ZMYND11: variants seen among roughly 807,000 people sequenced by gnomAD.
The protein encoded by ZMYND11 is zinc finger MYND-type containing 11.
Under a neutral mutation model 84.9 loss-of-function variants are expected in ZMYND11, and 9 were observed. The observed-to-expected ratio is 0.11, with a 90% CI of 0.06 to 0.18. The LOEUF is 0.18. ZMYND11 is among the 10% of genes least tolerant of loss of function. ZMYND11 has a pLI of 1.00. For synonymous variants in ZMYND11, 250 were observed against 244.1 expected, an observed-to-expected ratio of 1.02 and a Z score of -0.23; for missense variants, 409 against 761.0, an observed-to-expected ratio of 0.54 and a Z score of 5.44.
chr10:222,677 C>T (rs1947331422), intron 4 of ZMYND11, among the ~76,000 whole-genome samples: 1 of 151,534 alleles, frequency 6.6e-6, no homozygotes, highest in Non-Finnish European at 1.5e-5. Flanking sequence ...TAGAAGTTTA[C>T]CCTAGGGGAA....
intron 9 of ZMYND11, 130 bp from the exon 10 acceptor site, chr10:241,891 T>G: frequency 8.7e-7 from 1 of 1,145,720 alleles, no homozygotes; most frequent in East Asian, 2.5e-5. Context: ...AAAAATCTCG[T>G]ATGTGTTTAG....
At chr10:189,203 A>C (rs554046784) in intron 2 of ZMYND11, among the ~76,000 whole-genome samples, 7 of 152,332 alleles carry the variant, frequency 4.6e-5, no homozygotes. Flanking sequence ...CGCTACAGAT[A>C]TACATAAACG....
chr10:162,380 G>A (rs1843120389), intron 1 of ZMYND11, among the ~76,000 whole-genome samples: 1 of 151,684 alleles, frequency 6.6e-6, no homozygotes, highest in South Asian at 2.1e-4. Flanking sequence ...GACATGAACT[G>A]GGCATACGCT....
chr10:151,589 T>C (rs1840388231), intron 1 of ZMYND11, among the ~76,000 whole-genome samples: 1 of 152,186 alleles, frequency 6.6e-6, no homozygotes, highest in South Asian at 2.1e-4. Context: ...CTACGTCTGA[T>C]TGGCGTACCT....
chr10:159,264 G>C (rs1842473086), intron 1 of ZMYND11, among the ~76,000 whole-genome samples: 1 of 151,976 alleles, frequency 6.6e-6, no homozygotes, highest in South Asian at 2.1e-4. Context: ...TTGCCAGTGA[G>C]ATTGGTGGGT....
intron 2 of ZMYND11, among the ~76,000 whole-genome samples, chr10:188,087 G>A (rs1006524221): frequency 1.3e-5 from 2 of 152,124 alleles, no homozygotes; most frequent in African/African-American, 4.8e-5. Context: ...TAGCACATAT[G>A]AATTAATCAG....
At chr10:227,627 A>G (rs1272272762) in intron 4 of ZMYND11, among the ~76,000 whole-genome samples, 1 of 152,232 alleles carries the variant, frequency 6.6e-6, no homozygotes, top group Non-Finnish European at 1.5e-5. Flanking sequence ...GCTTTTGGGT[A>G]TGTAGGCAGT....
intron 3 of ZMYND11, chr10:218,401 C>T (rs1025009055): frequency 4.0e-6 from 1 of 247,418 alleles, no homozygotes; most frequent in Non-Finnish European, 8.7e-6. Context: ...TATTGCCTGA[C>T]ATTTAGCAAA....
intron 4 of ZMYND11, among the ~76,000 whole-genome samples, chr10:233,264 CCGTTTGAAGA>C (rs1949326171): frequency 3.3e-5 from 5 of 152,298 alleles, no homozygotes; most frequent in Middle Eastern, 3.4e-3. Flanking sequence ...CTTAGCTGTG[CCGTTTGAAGA>C]ACAGACAAGG....
chr10:158,210 T>C (rs1420293024), intron 1 of ZMYND11, among the ~76,000 whole-genome samples: 2 of 152,214 alleles, frequency 1.3e-5, no homozygotes, highest in Non-Finnish European at 2.9e-5. Flanking sequence ...TGTGTGGATG[T>C]ATGTTTTCAG....
chr10:200,957 G>T (rs1422359393), intron 2 of ZMYND11, among the ~76,000 whole-genome samples: 3 of 152,012 alleles, frequency 2.0e-5, no homozygotes, highest in Non-Finnish European at 4.4e-5. Flanking sequence ...AGTTTCAGAT[G>T]TTTGTGTCAT....
At chr10:199,866 AT>A (rs1173157201) in intron 2 of ZMYND11, among the ~76,000 whole-genome samples, 1 of 141,670 alleles carries the variant, frequency 7.1e-6, no homozygotes, top group East Asian at 2.1e-4. Flanking sequence ...TGTGGAAAAC[AT>A]TTTTTTCTTT....
chr10:173,644 AG>A (rs536848412), intron 1 of ZMYND11, among the ~76,000 whole-genome samples: 4 of 152,106 alleles, frequency 2.6e-5, no homozygotes, highest in Non-Finnish European at 5.9e-5. Flanking sequence ...GCTTGAGCCC[AG>A]GAATTTGAGG....
intron 1 of ZMYND11, chr10:148,523 C>T (rs191665016): frequency 2.6e-5 from 4 of 152,410 alleles, no homozygotes; most frequent in Admixed American, 2.6e-4. Flanking sequence ...TTTGCATTCA[C>T]TCCTTAGTAA....
At position 245,012 on chromosome 10, in the gene ZMYND11, G is replaced by T. The variant is rs576553105; in HGVS notation, c.951-1754G>T. The stretch of plus-strand genomic sequence containing the variant: ...AAAAAGTGAACAAACCACTTTTATT[G>T]AATTCCTACTACATAATAGGAAATC... On this transcript the variant is annotated intron_variant, in intron 10 of 14. Transcript: ENST00000381604. Among the ~76,000 whole-genome samples, 6 of 152,258 alleles carry T rather than the reference G, an allele frequency of 3.9e-5. No homozygotes were observed. The South Asian group carries it at 8.3e-4, about 21-fold the overall frequency.
upstream of ZMYND11, among the ~76,000 whole-genome samples, chr10:130,857 G>A (rs1467512696): frequency 6.6e-6 from 1 of 152,046 alleles, no homozygotes; most frequent in Non-Finnish European, 1.5e-5. Context: ...GGTGGCTCGC[G>A]CCTGTAATTC....
At chr10:242,817 C>G (rs1009759981) in intron 10 of ZMYND11, among the ~76,000 whole-genome samples, 15 of 152,082 alleles carry the variant, frequency 9.9e-5, no homozygotes, top group African/African-American at 3.4e-4. Context: ...ACTTAGTCTT[C>G]ATTAATTTAA....
intron 6 of ZMYND11, among the ~76,000 whole-genome samples, chr10:239,015 TGTC>T: frequency 6.6e-6 from 1 of 152,218 alleles, no homozygotes; most frequent in Non-Finnish European, 1.5e-5. Flanking sequence ...TATGGTAAAC[TGTC>T]ACAGAGGCTA....
At chr10:168,855 G>A (rs2131600616) in intron 1 of ZMYND11, among the ~76,000 whole-genome samples, 1 of 152,242 alleles carries the variant, frequency 6.6e-6, no homozygotes, top group Admixed American at 6.5e-5. Context: ...AGGCTGAACT[G>A]TAATTGATGA....
Sources: allele counts gnomAD v4.1 joint callset (sites outside exome capture counted in the v4.1 genomes callset), GRCh38; gene constraint gnomAD v4.1.1; transcripts MANE v1.5; gene names NCBI Gene and HGNC (gene_info 2026-07-23, HGNC 2026-07-21).